The following MYO1H variants were observed in gnomAD, a reference collection of about 807,000 sequenced individuals.
MYO1H encodes myosin IH, also known as unconventional myosin-Ih.
A neutral mutation model predicts 149.3 loss-of-function variants in MYO1H; 118 were observed. The ratio of observed to expected loss-of-function variants is 0.79; its 90% CI spans 0.68 to 0.92. The LOEUF (loss-of-function observed/expected upper bound fraction) is 0.92, where lower values mean the gene tolerates loss of function less well. Among genes scored for constraint, MYO1H ranks in the 40% least tolerant of loss-of-function variants. The pLI, the probability that MYO1H is intolerant of heterozygous loss-of-function variation, is 0.00. For synonymous variants in MYO1H, 447 were observed against 465.2 expected, an observed-to-expected ratio of 0.96 and a Z score of 0.50; for missense variants, 1,212 against 1,280.7, an observed-to-expected ratio of 0.95 and a Z score of 0.82.
At chr12:109,358,583 A>C (rs185554819) in intron 1 of MYO1H, among the ~76,000 whole-genome samples, 1 of 152,324 alleles carries the variant, frequency 6.6e-6, no homozygotes, top group Admixed American at 6.5e-5. Context: ...GGGAAAATAC[A>C]ACAGAATTTT....
At chr12:109,353,815 C>A (rs11608488) in intron 1 of MYO1H, among the ~76,000 whole-genome samples, 38,771 of 151,966 alleles carry the variant, frequency 0.26, 5,468 homozygotes, top group Admixed American at 0.39. Flanking sequence ...CCACACTTGG[C>A]TAATTTTTTT....
chr12:109,310,981 T>C, the MYO1H span, among the ~76,000 whole-genome samples: 8 of 152,382 alleles, frequency 5.2e-5, no homozygotes, highest in East Asian at 1.5e-3. Flanking sequence ...GAATGACATA[T>C]AATTAATTCA....
chr12:109,399,806 T>TATAGGCTGGGTGGGAGGCTCCCAG (rs1307311937), intron 5 of MYO1H, among the ~76,000 whole-genome samples: 1 of 152,002 alleles, frequency 6.6e-6, no homozygotes, highest in Non-Finnish European at 1.5e-5. Flanking sequence ...TCCCAGTTAC[T>TATAGGCTGGGTGGGAGGCTCCCAG]TGGGAGGCTG....
chr12:109,433,593 G>A lies in MYO1H; in HGVS notation c.2063+583G>A, dbSNP rs79791342. 3.7e-3 allele frequency among the ~76,000 whole-genome samples: 566 copies of A among 152,282 alleles called. 7 individuals are homozygous for A. The highest frequency in any genetic ancestry group is 0.013 in the African/African-American group (539 of 41,576). ...GTCTCAGCATGAAGATCTATTCCCC[G>A]ACAGCAGGGCTTCCCCACTCCAGAG... On this transcript the variant is annotated intron_variant, in intron 20 of 31. Coordinates refer to ENST00000310903, the Ensembl canonical transcript of MYO1H.
intron 9 of MYO1H, among the ~76,000 whole-genome samples, chr12:109,407,187 T>C (rs1220740546): frequency 6.6e-6 from 1 of 152,166 alleles, no homozygotes; most frequent in African/African-American, 2.4e-5. Context: ...GGGGGTCACT[T>C]CCTCAAGGAG....
intron 1 of MYO1H, among the ~76,000 whole-genome samples, chr12:109,388,436 A>G (rs1034688789): frequency 6.6e-6 from 1 of 152,188 alleles, no homozygotes; most frequent in Admixed American, 6.5e-5. Context: ...ATGAAACAGT[A>G]TAAGTCAAGT....
intron 5 of MYO1H, among the ~76,000 whole-genome samples, chr12:109,400,871 G>T (rs1235982312): frequency 6.6e-6 from 1 of 152,034 alleles, no homozygotes; most frequent in Non-Finnish European, 1.5e-5. Context: ...TCTAGAAAAA[G>T]ACATAGAAAC....
intron 1 of MYO1H, among the ~76,000 whole-genome samples, chr12:109,385,518 C>T (rs1182958377): frequency 6.6e-6 from 1 of 152,114 alleles, no homozygotes; most frequent in Non-Finnish European, 1.5e-5. Context: ...GTTTCAAACT[C>T]CTGGGCTCAA....
At chr12:109,405,882 G>C (rs1171804315) in intron 7 of MYO1H, 40 bp from the exon 8 acceptor site, 3 of 1,440,524 alleles carry the variant, frequency 2.1e-6, no homozygotes, top group Non-Finnish European at 2.9e-6. Flanking sequence ...CTCTTTCCCT[G>C]TCCTGATCTC....
intron 31 of MYO1H, chr12:109,446,174 A>G: frequency 1.0e-6 from 1 of 985,386 alleles, no homozygotes; most frequent in Non-Finnish European, 1.2e-6. Flanking sequence ...ACAAGCACAG[A>G]GGTTTGGGAA....
chr12:109,326,486 A>ATATTT, the MYO1H span, among the ~76,000 whole-genome samples: 35,834 of 137,134 alleles, frequency 0.26, 5,813 homozygotes, highest in Middle Eastern at 0.37. Flanking sequence ...CCTTTTTTTT[A>ATATTT]TATTTTATTT....
At chr12:109,330,962 T>C in the MYO1H span, among the ~76,000 whole-genome samples, 30,209 of 152,172 alleles carry the variant, frequency 0.2, 3,139 homozygotes, top group African/African-American at 0.24. Context: ...TCAAAATTAA[T>C]GAATATGATA....
At position 109,362,951 on chromosome 12, in the gene MYO1H, C is replaced by T. The variant is rs142133728; in HGVS notation, c.12+14979C>T. 6.2e-3 allele frequency among the ~76,000 whole-genome samples: 937 copies of T among 152,232 alleles called. 11 individuals carry two copies. The highest frequency in any genetic ancestry group is 0.022 in the African/African-American group (897 of 41,532). On this transcript the variant is annotated intron_variant, in intron 1 of 31. Coordinates refer to ENST00000310903, the Ensembl canonical transcript of MYO1H. ...AAGGAATAAGTTGTTTTCTTTTGGC[C>T]TTAGATGCAGGGAGTGAAGTTGGAG... is the stretch of plus-strand genomic sequence containing the variant.
intron 13 of MYO1H, 53 bp downstream of exon 13, chr12:109,410,821 T>C: frequency 8.1e-7 from 1 of 1,231,772 alleles, no homozygotes; most frequent in Non-Finnish European, 1.2e-6. Context: ...TTACAACTCT[T>C]GGAAGAACTT....
At chr12:109,349,974 A>AG (rs397952420) in intron 1 of MYO1H, among the ~76,000 whole-genome samples, 1 of 148,500 alleles carries the variant, frequency 6.7e-6, no homozygotes, top group Non-Finnish European at 1.5e-5. Flanking sequence ...AAAAAAAAAA[A>AG]GTTAATATTA....
chr12:109,381,336 T>C (rs969990989), intron 1 of MYO1H, among the ~76,000 whole-genome samples: 1 of 152,054 alleles, frequency 6.6e-6, no homozygotes, highest in Non-Finnish European at 1.5e-5. Flanking sequence ...TGGCTTGAGC[T>C]CAGGAGTTCA....
intron 5 of MYO1H, 63 bp from the exon 6 acceptor site, chr12:109,401,030 G>C: frequency 6.9e-7 from 1 of 1,445,618 alleles, no homozygotes; most frequent in Non-Finnish European, 9.6e-7. Context: ...GGGCCATCAG[G>C]AGATGCCAGG....
intron 24 of MYO1H, 33 bp downstream of exon 24, chr12:109,439,823 A>C (rs971705301): frequency 6.3e-7 from 1 of 1,596,640 alleles, no homozygotes; most frequent in Admixed American, 1.7e-5. Context: ...CAGTGTTGTA[A>C]GTAGCACGGG....
At chr12:109,377,619 G>T (rs1168522076) in intron 1 of MYO1H, among the ~76,000 whole-genome samples, 1 of 152,128 alleles carries the variant, frequency 6.6e-6, no homozygotes, top group African/African-American at 2.4e-5. Context: ...CCACCAATCT[G>T]CATTCTGCCT....
Sources: allele counts gnomAD v4.1 joint callset (sites outside exome capture counted in the v4.1 genomes callset), GRCh38; gene constraint gnomAD v4.1.1; transcripts MANE v1.5; gene names NCBI Gene and HGNC (gene_info 2026-07-23, HGNC 2026-07-21).